The following ZNF185 variants were observed in gnomAD, a reference collection of about 807,000 sequenced individuals.
ZNF185 encodes zinc finger protein 185 with LIM domain.
A neutral mutation model predicts 58.6 loss-of-function variants in ZNF185; 56 were observed. The ratio of observed to expected loss-of-function variants is 0.95; its 90% CI spans 0.77 to 1.19. The LOEUF (loss-of-function observed/expected upper bound fraction) is 1.19. Among genes scored for constraint, ZNF185 ranks in the 50% most tolerant of loss-of-function variants. The probability of loss-of-function intolerance (pLI) is 0.00; values close to 1 mark genes in which losing one functional copy is unlikely to be tolerated. For missense variants in ZNF185, 627 were observed against 573.5 expected (o/e 1.09, Z -0.95); for synonymous variants, 230 against 215.9 (o/e 1.07, Z -0.57).
At chrX:152,938,456 C>G (rs1017999700) in intron 15 of ZNF185, among the ~76,000 whole-genome samples, 10 of 112,234 alleles carry the variant, frequency 8.9e-5, no homozygotes, top group African/African-American at 2.9e-4. Context: ...GCAGACAAAT[C>G]AGAAACACCT....
At chrX:152,967,063 G>A (rs1421113588) in intron 19 of ZNF185, 104 bp from the exon 22 acceptor site, 6 of 781,075 alleles carry the variant, frequency 7.7e-6, no homozygotes, top group African/African-American at 2.1e-5. Context: ...GACTGGCATC[G>A]TAGTTATGTC....
exon 23 of ZNF185, chrX:152,972,145 C>T (rs1556919841): frequency 8.9e-6 from 1 of 112,215 alleles, no homozygotes. Context: ...AGAGTAATGG[C>T]ATTAATCCCC....
chrX:152,924,636 G>T (rs1196564502), intron 11 of ZNF185, among the ~76,000 whole-genome samples: 1 of 112,104 alleles, frequency 8.9e-6, no homozygotes, highest in Non-Finnish European at 1.9e-5. Flanking sequence ...CTCTTTTAAA[G>T]AAAGGCAATA....
At chrX:152,925,145 A>T (rs1940606589) in intron 11 of ZNF185, among the ~76,000 whole-genome samples, 2 of 111,729 alleles carry the variant, frequency 1.8e-5, no homozygotes, top group Admixed American at 9.4e-5. Context: ...AATAAAAAAT[A>T]AAAATTAAAA....
chrX:152,938,145 C>A (rs1463476865), exon 15 of ZNF185: 9 of 1,182,981 alleles, frequency 7.6e-6, no homozygotes, highest in Non-Finnish European at 1.0e-5. Context: ...CAGGAGGATG[C>A]AAAGGCAGAC....
At chrX:152,919,809 C>T (rs782041853) in intron 7 of ZNF185, among the ~76,000 whole-genome samples, 14 of 112,664 alleles carry the variant, frequency 1.2e-4, no homozygotes, top group Non-Finnish European at 2.1e-4. Flanking sequence ...CCATCTGTGG[C>T]GCAGGAATCA....
At chrX:152,962,038 G>A (rs973801633) in intron 17 of ZNF185, among the ~76,000 whole-genome samples, 4 of 111,834 alleles carry the variant, frequency 3.6e-5, no homozygotes, top group Admixed American at 9.5e-5. Flanking sequence ...CTTTTCTATC[G>A]AGGAGGAGAC....
At chrX:152,919,361 G>A (rs1394985075) in intron 7 of ZNF185, among the ~76,000 whole-genome samples, 6 of 110,876 alleles carry the variant, frequency 5.4e-5, no homozygotes, top group Non-Finnish European at 7.6e-5. Context: ...GCTCTTCAGG[G>A]CTCTAAATCG....
chrX:152,901,392 A>G, the ZNF185 span, among the ~76,000 whole-genome samples: 1 of 110,018 alleles, frequency 9.1e-6, no homozygotes, highest in African/African-American at 3.3e-5. Flanking sequence ...AGCTGGCACT[A>G]CAGGCGAGTG....
chrX:152,911,668 C>CATCCCA (rs1556861576), upstream of ZNF185, among the ~76,000 whole-genome samples: 2 of 37,718 alleles, frequency 5.3e-5, no homozygotes, highest in East Asian at 9.5e-4. Flanking sequence ...CATCCCATCC[C>CATCCCA]TCCCATCCCA....
At chrX:152,917,447 T>A in intron 5 of ZNF185, 85 bp downstream of exon 6, 1 of 1,056,874 alleles carries the variant, frequency 9.5e-7, no homozygotes, top group Non-Finnish European at 1.3e-6. Context: ...GTGCTCTGCC[T>A]ATCAGGACTG....
At chrX:152,917,968 T>C (rs1201928292) in intron 5 of ZNF185, 97 bp from the exon 7 acceptor site, 12 of 1,141,286 alleles carry the variant, frequency 1.1e-5, no homozygotes, top group Admixed American at 2.7e-5. Flanking sequence ...CCCAGGCAGC[T>C]CCTGGTCCAC....
At chrX:152,960,179 G>A (rs991589401) in intron 17 of ZNF185, among the ~76,000 whole-genome samples, 1 of 112,181 alleles carries the variant, frequency 8.9e-6, no homozygotes, top group African/African-American at 3.2e-5. Flanking sequence ...GGAAACCTGG[G>A]TCAGGGGAGG....
At chrX:152,935,238 CTTTTT>C (rs61588750) in intron 14 of ZNF185, among the ~76,000 whole-genome samples, 1 of 97,236 alleles carries the variant, frequency 1.0e-5, no homozygotes, top group African/African-American at 3.8e-5. Context: ...ATTGTTTTTC[CTTTTT>C]TTTTTTTTTT....
chrX:152,905,717 G>T, the ZNF185 span, among the ~76,000 whole-genome samples: 1 of 108,727 alleles, frequency 9.2e-6, no homozygotes, highest in Non-Finnish European at 1.9e-5. Context: ...CAGGCTTGGG[G>T]GGGGGGCGGG....
At chrX:152,963,598 A>G (rs1228912836) in intron 17 of ZNF185, among the ~76,000 whole-genome samples, 3 of 112,260 alleles carry the variant, frequency 2.7e-5, no homozygotes, top group Non-Finnish European at 5.6e-5. Flanking sequence ...GGCTGCAGTC[A>G]GGAGTACTGA....
At chrX:152,915,419 A>G (rs1938243042) in intron 3 of ZNF185, among the ~76,000 whole-genome samples, 1 of 113,014 alleles carries the variant, frequency 8.8e-6, no homozygotes. Context: ...CACTTGGTCC[A>G]GGCCCTTGGC....
intron 3 of ZNF185, among the ~76,000 whole-genome samples, chrX:152,916,354 A>G (rs1375538200): frequency 9.0e-6 from 1 of 110,720 alleles, no homozygotes; most frequent in Non-Finnish European, 1.9e-5. Flanking sequence ...AGGGGCCCCT[A>G]ACTCCTGCCC....
chrX:152,970,684 A>T, intron 22 of ZNF185, 143 bp downstream of exon 24: 2 of 466,237 alleles, frequency 4.3e-6, no homozygotes, highest in Admixed American at 7.7e-5. Flanking sequence ...TTGTGTCCTC[A>T]TGTCCCTATG....
Sources: allele counts gnomAD v4.1 joint callset (sites outside exome capture counted in the v4.1 genomes callset), GRCh38; gene constraint gnomAD v4.1.1; transcripts MANE v1.5; gene names NCBI Gene and HGNC (gene_info 2026-07-23, HGNC 2026-07-21).